NELL1: variants seen among roughly 807,000 people sequenced by gnomAD.
NELL1 encodes protein kinase C-binding protein NELL1.
A neutral mutation model predicts 107.4 loss-of-function variants in NELL1; 76 were observed. That is an observed-to-expected ratio of 0.71 (90% CI 0.59 to 0.86). NELL1 has a LOEUF of 0.86. NELL1 is among the 40% of genes least tolerant of loss of function. The pLI is 0.00. For synonymous variants in NELL1, 353 were observed against 341.2 expected, an observed-to-expected ratio of 1.03 and a Z score of -0.38; for missense variants, 1,024 against 1,005.5, an observed-to-expected ratio of 1.02 and a Z score of -0.25.
intron 13 of NELL1, among the ~76,000 whole-genome samples, chr11:21,136,998 G>A (rs1855757977): frequency 6.6e-6 from 1 of 152,218 alleles, no homozygotes; most frequent in South Asian, 2.1e-4. Flanking sequence ...ACCAATTACT[G>A]TTATGGAATC....
chr11:21,463,285 G>A (rs1437452110), intron 15 of NELL1, among the ~76,000 whole-genome samples: 3 of 152,062 alleles, frequency 2.0e-5, no homozygotes, highest in Admixed American at 1.3e-4. Context: ...ATCTGGTGGT[G>A]TTTGGAGAGT....
At chr11:21,128,891 C>T (rs1198340766) in intron 13 of NELL1, among the ~76,000 whole-genome samples, 3 of 152,162 alleles carry the variant, frequency 2.0e-5, no homozygotes, top group Non-Finnish European at 4.4e-5. Context: ...TGGAGCCAAA[C>T]CCAGGAGGGA....
intron 3 of NELL1, among the ~76,000 whole-genome samples, chr11:20,800,050 A>G (rs1237443755): frequency 2.6e-5 from 4 of 152,140 alleles, no homozygotes; most frequent in Non-Finnish European, 4.4e-5. Context: ...GTTCTTTTCA[A>G]TGGCTGCGTA....
intron 16 of NELL1, among the ~76,000 whole-genome samples, chr11:21,552,430 C>T (rs960346504): frequency 6.6e-6 from 1 of 151,652 alleles, no homozygotes; most frequent in Non-Finnish European, 1.5e-5. Context: ...TAGTGACCTA[C>T]TTTGGTTTTC....
intron 9 of NELL1, among the ~76,000 whole-genome samples, chr11:20,937,524 C>G (rs1564975832): frequency 6.6e-6 from 1 of 152,258 alleles, no homozygotes; most frequent in Non-Finnish European, 1.5e-5. Context: ...AGTTCATTCT[C>G]TAGTTCCTTT....
At chr11:21,063,816 C>T (rs777254681) in intron 12 of NELL1, among the ~76,000 whole-genome samples, 3 of 152,186 alleles carry the variant, frequency 2.0e-5, no homozygotes, top group Non-Finnish European at 4.4e-5. Context: ...CAGCAGGTGA[C>T]ACAGACAACA....
Position 21,550,339 on chromosome 11 carries a change from T to G in NELL1, c.1787-9850T>G, listed in dbSNP as rs904216959. ...TCTTTTGCTGTGCAGAAGCTCTTTA[T>G]TTTAATTAGGTCCCGTTTGTCAATT... On this transcript the variant is annotated intron_variant, in intron 16 of 19. Coordinates refer to ENST00000357134, the MANE Select transcript of NELL1 (RefSeq NM_006157.5). Among the ~76,000 whole-genome samples the G allele has an allele frequency of 2.8e-4, 42 of 152,014 alleles. No individual in the cohort carries two copies. In the East Asian group the frequency reaches 4.1e-3, roughly 15 times the overall value.
In NELL1 at chr11:21,491,311, T is replaced by G. The variant is rs575430907; in HGVS notation, c.1646-43063T>G. ...GAATGCTAATGCCTAGATTTTCTTCTAGGGTTTCTATGGTTTTAGGTCTAA... is the reference window on the plus strand; with the variant it reads ...GAATGCTAATGCCTAGATTTTCTTCGAGGGTTTCTATGGTTTTAGGTCTAA... On this transcript the variant is annotated intron_variant, in intron 15 of 19. Coordinates refer to ENST00000357134, the MANE Select transcript of NELL1 (RefSeq NM_006157.5). 1.1e-3 allele frequency among the ~76,000 whole-genome samples: 161 copies of G among 152,328 alleles called. 1 individual carries two copies. Among genetic ancestry groups the G allele is most frequent in the African/African-American group, 3.7e-3 (153 of 41,588 alleles).
At chr11:21,160,280 TTCA>T (rs1856333611) in intron 13 of NELL1, among the ~76,000 whole-genome samples, 1 of 152,224 alleles carries the variant, frequency 6.6e-6, no homozygotes, top group Non-Finnish European at 1.5e-5. Context: ...CTATTTTCTA[TTCA>T]TCATTTGAAG....
chr11:20,915,123 G>T (rs1430314909), intron 5 of NELL1, among the ~76,000 whole-genome samples: 1 of 152,018 alleles, frequency 6.6e-6, no homozygotes, highest in East Asian at 1.9e-4. Context: ...ATTATCTTTG[G>T]TGTTTATAAT....
At chr11:20,874,701 C>G (rs529211997) in intron 4 of NELL1, among the ~76,000 whole-genome samples, 1 of 152,282 alleles carries the variant, frequency 6.6e-6, no homozygotes, top group South Asian at 2.1e-4. Context: ...TGGAAGTTCA[C>G]TGCCTTCCAG....
intron 13 of NELL1, chr11:21,169,734 T>C (rs1565094025): frequency 3.4e-6 from 3 of 873,832 alleles, no homozygotes; most frequent in Non-Finnish European, 5.1e-6. Flanking sequence ...GAAGTAGTCA[T>C]GTGACCAGTC....
intron 12 of NELL1, among the ~76,000 whole-genome samples, chr11:20,990,450 A>C (rs534331160): frequency 2.0e-5 from 3 of 152,342 alleles, no homozygotes; most frequent in Admixed American, 2.0e-4. Context: ...TTGACATGGC[A>C]GTACCAGGAC....
At chr11:20,703,922 A>G (rs1012347566) in intron 2 of NELL1, among the ~76,000 whole-genome samples, 2 of 152,180 alleles carry the variant, frequency 1.3e-5, no homozygotes, top group African/African-American at 4.8e-5. Flanking sequence ...CTTTACTTCC[A>G]ACTATGTGGT....
chr11:20,853,479 A>T (rs192063546), intron 4 of NELL1, among the ~76,000 whole-genome samples: 140 of 152,322 alleles, frequency 9.2e-4, no homozygotes, highest in African/African-American at 3.2e-3. Flanking sequence ...CTGCGCTTGC[A>T]TCTGTAAAAT....
chr11:20,680,280 C>G (rs1196181456), intron 2 of NELL1, among the ~76,000 whole-genome samples: 1 of 152,070 alleles, frequency 6.6e-6, no homozygotes, highest in African/African-American at 2.4e-5. Flanking sequence ...AGTCTGCCCT[C>G]TAGATCCCAA....
intron 3 of NELL1, among the ~76,000 whole-genome samples, chr11:20,797,214 C>G (rs996262555): frequency 2.6e-5 from 4 of 152,094 alleles, no homozygotes; most frequent in Non-Finnish European, 4.4e-5. Context: ...TTAGAAAGAC[C>G]ACACTGGCTG....
At position 21,251,341 on chromosome 11, in the gene NELL1, A is replaced by G. The variant is rs945790289; in HGVS notation, c.1549+21887A>G. On this transcript the variant is annotated intron_variant, in intron 14 of 19. Coordinates refer to ENST00000357134, the MANE Select transcript of NELL1 (RefSeq NM_006157.5). ...GGGCATTCAGATCCTCTATTCCCCC[A>G]ATATAAAAGGAGACTCTTTAAAAAT... Among the ~76,000 whole-genome samples, 91 of 152,118 alleles carry G rather than the reference A, an allele frequency of 6.0e-4. 2 individuals are homozygous for G. The highest frequency in any genetic ancestry group is 1.5e-5 in the Non-Finnish European group (1 of 68,024).
rs749329054 is a variant in NELL1 at position 21,094,101 on chromosome 11, TGGG to T, written c.1301-19485_1301-19483del. Among the ~76,000 whole-genome samples, 6 of 151,874 alleles carry T rather than the reference TGGG, an allele frequency of 4.0e-5. No individual in the cohort carries two copies. In the South Asian group the frequency reaches 6.2e-4, roughly 16 times the overall value. ...CAGGTTAGTTACTTCCTAGATTCAA[TGGG>T]GGTACGGGATTGGGTAAATACAGCC... On this transcript the variant is annotated intron_variant, in intron 12 of 19. Coordinates refer to ENST00000357134, the MANE Select transcript of NELL1 (RefSeq NM_006157.5).
Sources: gnomAD v4.1 joint callset for allele counts (sites outside exome capture counted in the v4.1 genomes callset) on GRCh38, gnomAD v4.1.1 for gene constraint, MANE v1.5 for transcripts, NCBI Gene and HGNC (gene_info 2026-07-23, HGNC 2026-07-21) for gene names.